COL5A1: variants seen among roughly 807,000 people sequenced by gnomAD.
COL5A1 encodes the protein collagen type V alpha 1 chain, also known as collagen alpha-1(V) chain.
In COL5A1, 16 loss-of-function variants were observed where a neutral mutation model predicts 263.7. That is an observed-to-expected ratio of 0.06 (90% confidence interval 0.04 to 0.09). The LOEUF is 0.09. COL5A1 is among the 10% of genes least tolerant of loss of function. The pLI is 1.00. For synonymous variants in COL5A1, 1,012 were observed against 1,004.5 expected (o/e 1.01, Z -0.14); for missense variants, 2,036 against 2,540.5 (o/e 0.80, Z 4.27).
Position 134,842,460 on chromosome 9 carries a change from C to T in COL5A1, c.*157C>T. The stretch of plus-strand genomic sequence containing the variant: ...GCCTCGGCACCACGGGGTGTGGGAC[C>T]CCAGCCCGGAGAGAACAGAGGGAAG... On this transcript the variant is annotated 3_prime_UTR_variant, in exon 66 of 66. Coordinates refer to ENST00000371817, the MANE Select transcript of COL5A1 (RefSeq NM_000093.5). This position sits in a 1 kb window ranked among gnomAD's most constrained non-coding sequence, Gnocchi z 5.8. 1 of 885,270 alleles carries T rather than the reference C, an allele frequency of 1.1e-6. No individual in the cohort carries two copies. The highest frequency in any genetic ancestry group is 1.8e-6 in the Non-Finnish European group (1 of 567,948). The allele number at this position is 885,270 out of a possible 1,614,324, so 54.8% of individuals were successfully genotyped here.
intron 11 of COL5A1, among the ~76,000 whole-genome samples, chr9:134,744,351 A>G (rs1246442256): frequency 6.6e-6 from 1 of 151,740 alleles, no homozygotes; most frequent in Admixed American, 6.6e-5. Flanking sequence ...GCCTACGTGC[A>G]CGCACTCATG....
intron 4 of COL5A1, chr9:134,708,628 C>G (rs1364314714): frequency 3.9e-6 from 2 of 518,766 alleles, no homozygotes; most frequent in African/African-American, 3.8e-5. Flanking sequence ...CAGCGGAACA[C>G]CAGCAGGTGA....
chr9:134,823,860 A>ATGTG (rs5901054), intron 61 of COL5A1, among the ~76,000 whole-genome samples: 1 of 151,920 alleles, frequency 6.6e-6, no homozygotes, highest in African/African-American at 2.4e-5. Context: ...TTGTATGTGC[A>ATGTG]TGTGTGTGTG....
At chr9:134,829,948 C>T (rs1169436036) in intron 63 of COL5A1, 28 bp from the exon 64 acceptor site, 1 of 1,606,840 alleles carries the variant, frequency 6.2e-7, no homozygotes, top group African/African-American at 1.3e-5. Context: ...TGTTTCTCTC[C>T]CTCCCCACCT....
chr9:134,735,207 C>A, intron 9 of COL5A1, among the ~76,000 whole-genome samples: 2 of 94,612 alleles, frequency 2.1e-5, no homozygotes. Flanking sequence ...GAGACTCCAT[C>A]TCAAAAAAAA....
At chr9:134,691,347 A>G (rs1833273535) in intron 2 of COL5A1, among the ~76,000 whole-genome samples, 1 of 151,870 alleles carries the variant, frequency 6.6e-6, no homozygotes, top group South Asian at 2.1e-4. Context: ...ACCTTCTATC[A>G]GCTGTGTCTC....
intron 6 of COL5A1, among the ~76,000 whole-genome samples, chr9:134,729,285 C>T (rs546611966): frequency 3.5e-4 from 54 of 152,236 alleles, no homozygotes; most frequent in African/African-American, 1.2e-3. Flanking sequence ...TGTGAGGGTG[C>T]GTGAGCGGCA....
intron 9 of COL5A1, chr9:134,732,454 G>GCGGAGT (rs1299047250): frequency 1.2e-5 from 6 of 508,116 alleles, no homozygotes; most frequent in Non-Finnish European, 2.2e-5. Context: ...CGAGGCGGAG[G>GCGGAGT]CGGAGTCCCC....
At chr9:134,694,708 G>T (rs1022716145) in intron 2 of COL5A1, among the ~76,000 whole-genome samples, 2 of 152,188 alleles carry the variant, frequency 1.3e-5, no homozygotes, top group African/African-American at 4.8e-5. Flanking sequence ...CTGGCACCAG[G>T]GAGATGAGGC....
intron 2 of COL5A1, among the ~76,000 whole-genome samples, chr9:134,697,978 G>A (rs1028091032): frequency 6.6e-6 from 1 of 152,160 alleles, no homozygotes; most frequent in South Asian, 2.1e-4. Flanking sequence ...CAGCTACTTG[G>A]GAGGCTGAGG....
chr9:134,731,552 A>G lies in COL5A1; in HGVS notation c.1221A>G (p.Glu407=). The G allele has an allele frequency of 6.2e-7, 1 of 1,614,222 alleles. No individual in the cohort carries two copies. The highest frequency in any genetic ancestry group is 1.1e-5 in the South Asian group (1 of 91,088). ...ACTTGGAGGGGGAGTTCACTGAGGA[A>G]ACGATCCGGAACCTTGACGAGAACT... is the stretch of plus-strand genomic sequence containing the variant. The part of the protein sequence containing the change: ...ADDLEGEFTE[E]TIRNLDENYY... Residue 407 remains glutamate (E), a synonymous_variant, in exon 8 of 66, where the codon GAA becomes GAG. Coordinates refer to ENST00000371817, the MANE Select transcript of COL5A1 (RefSeq NM_000093.5).
intron 58 of COL5A1, 36 bp from the exon 59 acceptor site, chr9:134,822,061 T>G (rs752336812): frequency 1.2e-6 from 2 of 1,602,562 alleles, no homozygotes; most frequent in Non-Finnish European, 1.7e-6. Context: ...CCTCCTCGTC[T>G]GAAGGTGATA....
At chr9:134,808,660 A>T (rs1253003054) in intron 42 of COL5A1, among the ~76,000 whole-genome samples, 1 of 152,238 alleles carries the variant, frequency 6.6e-6, no homozygotes, top group East Asian at 1.9e-4. Context: ...CTGTGTACAT[A>T]GGCGTGTTCA....
rs1838977867 is a variant in COL5A1, at chr9:134,821,088, T to A, written c.4554+865T>A. Among the ~76,000 whole-genome samples, 1 of 152,060 alleles carries A rather than the reference T, an allele frequency of 6.6e-6. No homozygotes were observed. The highest frequency in any genetic ancestry group is 2.1e-4 in the South Asian group (1 of 4,810). On this transcript the variant is annotated intron_variant, in intron 58 of 65. Coordinates refer to ENST00000371817, the MANE Select transcript of COL5A1 (RefSeq NM_000093.5). The surrounding 1 kb of genome is among the most constrained non-coding windows in gnomAD (Gnocchi z 4.2). ...AACCCTACCTCACTGGCCAGTGTCCTCCATGCCATTGACTGTTTTCCTCTG... is the reference window on the plus strand; with the variant it reads ...AACCCTACCTCACTGGCCAGTGTCCACCATGCCATTGACTGTTTTCCTCTG...
chr9:134,676,050 AT>A lies in COL5A1; in HGVS notation c.110-14852del, dbSNP rs377052563. 6.2e-3 allele frequency among the ~76,000 whole-genome samples: 921 copies of A among 148,600 alleles called. 9 individuals carry two copies. The highest frequency in any genetic ancestry group is 0.02 in the African/African-American group (827 of 40,596). On this transcript the variant is annotated intron_variant, in intron 1 of 65. Coordinates refer to ENST00000371817, the MANE Select transcript of COL5A1 (RefSeq NM_000093.5). ...CACACTTTAAAAATTTTGTTTTGGC[AT>A]TTTTTTTTTGTTAACAAAATTATGC...
chr9:134,752,567 C>T (rs771082790), intron 13 of COL5A1, 22 bp from the exon 14 acceptor site: 27 of 1,604,644 alleles, frequency 1.7e-5, no homozygotes, highest in South Asian at 3.3e-5. Context: ...CCTGTCTCAG[C>T]GTGTCTCACT....
intron 49 of COL5A1, among the ~76,000 whole-genome samples, chr9:134,814,490 T>C (rs1838662491): frequency 6.6e-6 from 1 of 152,230 alleles, no homozygotes; most frequent in Non-Finnish European, 1.5e-5. Flanking sequence ...CCGTGGAGTC[T>C]GTGGGCACCC....
chr9:134,790,075 G>C (rs1017768547), intron 32 of COL5A1, among the ~76,000 whole-genome samples: 2 of 152,270 alleles, frequency 1.3e-5, no homozygotes, highest in African/African-American at 2.4e-5. Flanking sequence ...GCCCTGCCCA[G>C]CCCATCCTCC....
At chr9:134,685,613 T>A (rs1833039161) in intron 1 of COL5A1, among the ~76,000 whole-genome samples, 1 of 31,716 alleles carries the variant, frequency 3.2e-5, no homozygotes, top group African/African-American at 5.8e-5. Context: ...CCATCATCCA[T>A]CCATCCACCA....
Sources: allele counts gnomAD v4.1 joint callset (sites outside exome capture counted in the v4.1 genomes callset), GRCh38; gene constraint gnomAD v4.1.1; non-coding constraint Gnocchi (gnomAD v3.1); transcripts MANE v1.5; gene names NCBI Gene and HGNC (gene_info 2026-07-23, HGNC 2026-07-21).